DENND4C: variants seen among roughly 807,000 people sequenced by gnomAD.
DENND4C encodes DENN domain-containing protein 4C.
DENND4C carries 108 observed loss-of-function variants against 203.0 expected under a neutral mutation model. The ratio of observed to expected loss-of-function variants is 0.53; its 90% CI spans 0.46 to 0.62. The LOEUF (loss-of-function observed/expected upper bound fraction) is 0.62. Among genes scored for constraint, DENND4C ranks in the 20% least tolerant of loss-of-function variants. The pLI, the probability that DENND4C is intolerant of heterozygous loss-of-function variation, is 0.00. For synonymous variants in DENND4C, 871 were observed against 792.4 expected, an observed-to-expected ratio of 1.10 and a Z score of -1.67; for missense variants, 2,481 against 2,301.2, an observed-to-expected ratio of 1.08 and a Z score of -1.60.
chr9:19,312,880 G>A (rs1046794974), intron 10 of DENND4C, among the ~76,000 whole-genome samples: 3 of 152,120 alleles, frequency 2.0e-5, no homozygotes, highest in African/African-American at 7.2e-5. Flanking sequence ...GATATATTAT[G>A]TTTGGTATAT....
At chr9:19,235,729 G>A (rs1473351843) in intron 1 of DENND4C, among the ~76,000 whole-genome samples, 1 of 149,044 alleles carries the variant, frequency 6.7e-6, no homozygotes, top group Non-Finnish European at 1.5e-5. Flanking sequence ...TCCTGCCTCA[G>A]CCTCCCAAAT....
chr9:19,282,282 G>T (rs1313460328), intron 2 of DENND4C, among the ~76,000 whole-genome samples: 2 of 151,272 alleles, frequency 1.3e-5, no homozygotes, highest in Non-Finnish European at 1.5e-5. Context: ...TTGAGACAGG[G>T]TCTCACTTTG....
At position 19,361,827 on chromosome 9, in the gene DENND4C, T is replaced by G. The variant is rs765246211; in HGVS notation, c.5407-19T>G. The G allele has an allele frequency of 7.0e-7, 1 of 1,432,768 alleles. No homozygotes were observed. Among genetic ancestry groups the G allele is most frequent in the East Asian group, 2.3e-5 (1 of 43,858 alleles). 88.8% of individuals were successfully genotyped at this position (1,432,768 alleles called of 1,614,324 possible). On this transcript the variant is annotated intron_variant, in intron 29 of 32. Transcript: ENST00000434457. ...TTGTTATTCTCGGGATACTAATACTTTCTTTTGATTTCTTTTAGCTTCCTC... is the reference window on the plus strand; with the variant it reads ...TTGTTATTCTCGGGATACTAATACTGTCTTTTGATTTCTTTTAGCTTCCTC...
chr9:19,302,581 T>G (rs1049105781), intron 9 of DENND4C, among the ~76,000 whole-genome samples: 1 of 152,236 alleles, frequency 6.6e-6, no homozygotes, highest in African/African-American at 2.4e-5. Context: ...TCTGAAGTCC[T>G]TGCAGGATCC....
intron 26 of DENND4C, among the ~76,000 whole-genome samples, chr9:19,355,296 T>C (rs553917876): frequency 1.4e-4 from 21 of 152,254 alleles, no homozygotes; most frequent in Non-Finnish European, 2.9e-4. Context: ...AAAGCATTAA[T>C]TTTGATGTCA....
intron 28 of DENND4C, 86 bp from the exon 29 acceptor site, chr9:19,360,158 T>G (rs910081938): frequency 1.5e-6 from 2 of 1,342,542 alleles, no homozygotes; most frequent in Non-Finnish European, 2.1e-6. Flanking sequence ...TTAAAAAGGA[T>G]AGAGAGGCAT....
chr9:19,336,828 C>T lies in DENND4C; in HGVS notation c.2877C>T (p.Ser959=), dbSNP rs1820584824. Residue 959 remains serine, a synonymous_variant, in exon 20 of 33, where the codon AGC becomes AGT. Transcript: ENST00000434457. ...IRLESIDNHS[S]TGGQSDQGYG... is the part of the protein sequence containing the mutation. ...TTGAGTCCATTGATAATCACTCTAG[C>T]ACAGGTACTAAAATCCAGATTTTAC... is the stretch of plus-strand genomic sequence containing the variant. The T allele has an allele frequency of 1.3e-6, 2 of 1,547,572 alleles. No homozygotes were observed.
chr9:19,233,597 G>A (rs540193729), intron 1 of DENND4C, among the ~76,000 whole-genome samples: 2 of 128,392 alleles, frequency 1.6e-5, no homozygotes, highest in South Asian at 2.3e-4. Context: ...GTCTCGCTTC[G>A]TCACCCAAGC....
intron 1 of DENND4C, among the ~76,000 whole-genome samples, chr9:19,247,026 A>C (rs1252872865): frequency 6.6e-6 from 1 of 151,644 alleles, no homozygotes; most frequent in East Asian, 1.9e-4. Context: ...AACTGAAATC[A>C]CTCTTGTCAG....
intron 1 of DENND4C, among the ~76,000 whole-genome samples, chr9:19,233,938 A>G (rs1443802570): frequency 6.6e-6 from 1 of 152,210 alleles, no homozygotes; most frequent in Admixed American, 6.5e-5. Context: ...TTCAAAAGAA[A>G]AAATTTAAAT....
At chr9:19,301,332 A>G (rs571237884) in intron 9 of DENND4C, among the ~76,000 whole-genome samples, 1 of 152,312 alleles carries the variant, frequency 6.6e-6, no homozygotes, top group Non-Finnish European at 1.5e-5. Flanking sequence ...TCCCCATTTT[A>G]AGAATGTAAG....
chr9:19,288,810 A>G (rs1406752948), intron 4 of DENND4C, 145 bp downstream of exon 4: 8 of 429,522 alleles, frequency 1.9e-5, no homozygotes, highest in East Asian at 3.6e-5. Context: ...GCATATAAAG[A>G]TATGTGTTTT....
rs747942042 is a variant in DENND4C at position 19,305,435 on chromosome 9, A to G, written c.1395A>G (p.Pro465=). The part of the protein sequence containing the change: ...SLAAVLSAPL[P]FIVGVDSRYF... Reference sequence around the variant, plus strand: ...CTGCAGTGCTTAGTGCACCTTTACCATTTATAGTTGGAGTTGACTCAAGGT... The same window carrying G: ...CTGCAGTGCTTAGTGCACCTTTACCGTTTATAGTTGGAGTTGACTCAAGGT... Residue 465 remains proline, a synonymous_variant, in exon 10 of 33, where the codon CCA becomes CCG. Coordinates refer to ENST00000434457, the MANE Select transcript of DENND4C (RefSeq NM_001330640.2). 2 of 1,613,840 alleles carry G rather than the reference A, an allele frequency of 1.2e-6. No homozygotes were observed. Among genetic ancestry groups the G allele is most frequent in the South Asian group, 2.2e-5 (2 of 91,070 alleles).
intron 16 of DENND4C, among the ~76,000 whole-genome samples, chr9:19,328,631 GTGTCTGTCTGTC>G (rs200869394): frequency 1.1e-4 from 16 of 145,626 alleles, no homozygotes; most frequent in East Asian, 2.1e-4. Context: ...GTCTATATAT[GTGTCTGTCTGTC>G]TGTCTGTCTG....
chr9:19,284,231 CT>C, intron 2 of DENND4C, among the ~76,000 whole-genome samples: 1 of 152,092 alleles, frequency 6.6e-6, no homozygotes, highest in Admixed American at 6.5e-5. Context: ...CTATTTTGTA[CT>C]TTGCCTTTTT....
intron 30 of DENND4C, among the ~76,000 whole-genome samples, chr9:19,363,441 G>A (rs1175598303): frequency 6.6e-6 from 1 of 152,020 alleles, no homozygotes; most frequent in African/African-American, 2.4e-5. Flanking sequence ...GAACCCGGGA[G>A]GCGGAGGTTG....
intron 16 of DENND4C, among the ~76,000 whole-genome samples, chr9:19,328,853 A>G (rs1818459154): frequency 6.6e-6 from 1 of 152,038 alleles, no homozygotes; most frequent in African/African-American, 2.4e-5. Context: ...GTTCGAGACC[A>G]GCCTGACCAA....
Position 19,300,250 on chromosome 9 carries a change from C to T in DENND4C, c.1230C>T (p.Leu410=), listed in dbSNP as rs1235679781. 6 of 1,612,824 alleles carry T rather than the reference C, an allele frequency of 3.7e-6. No individual in the cohort carries two copies. Among genetic ancestry groups the T allele is most frequent in the African/African-American group, 1.3e-5 (1 of 75,024 alleles). Residue 410 remains leucine, a synonymous_variant, in exon 9 of 33, where the codon CTC becomes CTT. Coordinates refer to ENST00000434457, the MANE Select transcript of DENND4C (RefSeq NM_001330640.2). The part of the protein sequence containing the change: ...LGPENCATLL[L]FVLLESKILL... ...CTGAGAATTGTGCAACACTGCTGCT[C>T]TTTGTTTTACTTGAGAGTAAAATTC...
At chr9:19,245,850 C>T (rs1034208140) in intron 1 of DENND4C, among the ~76,000 whole-genome samples, 6 of 109,340 alleles carry the variant, frequency 5.5e-5, no homozygotes, top group Non-Finnish European at 1.2e-4. Flanking sequence ...AGCGAGACTC[C>T]GTCTCAAAAA....
Sources: allele counts gnomAD v4.1 joint callset (sites outside exome capture counted in the v4.1 genomes callset), GRCh38; gene constraint gnomAD v4.1.1; transcripts MANE v1.5; gene names NCBI Gene and HGNC (gene_info 2026-07-23, HGNC 2026-07-21).